The following UAP1 variants were observed in gnomAD, a reference collection of about 807,000 sequenced individuals.
UAP1 encodes UDP-N-acetylhexosamine pyrophosphorylase.
Under a neutral mutation model 58.5 loss-of-function variants are expected in UAP1, and 25 were observed. The ratio of observed to expected loss-of-function variants is 0.43; its 90% CI spans 0.31 to 0.60. The LOEUF is 0.60. UAP1 is among the 20% of genes least tolerant of loss of function. UAP1 has a pLI of 0.11. For synonymous variants in UAP1, 208 were observed against 213.0 expected (o/e 0.98, Z 0.21); for missense variants, 575 against 630.0 (o/e 0.91, Z 0.93).
chr1:162,574,974 T>C (rs925213068), intron 2 of UAP1, among the ~76,000 whole-genome samples: 3 of 152,240 alleles, frequency 2.0e-5, no homozygotes, highest in Non-Finnish European at 4.4e-5. Context: ...ATTGACAGGC[T>C]TCCAGACCAA....
exon 7 of UAP1, chr1:162,588,776 A>T: frequency 6.2e-7 from 1 of 1,612,560 alleles, no homozygotes; most frequent in African/African-American, 1.3e-5. Context: ...ATTAAGCCAG[A>T]CAAACCCAAT....
chr1:162,591,846 G>A (rs1655331895), intron 8 of UAP1, among the ~76,000 whole-genome samples: 1 of 151,342 alleles, frequency 6.6e-6, no homozygotes, highest in South Asian at 2.1e-4. Context: ...GTGCAGTGGC[G>A]CGATCTTGGC....
In UAP1 at chr1:162,585,385, A is replaced by G. The variant is rs1048937329; in HGVS notation, c.835-2090A>G. 4.0e-5 allele frequency among the ~76,000 whole-genome samples: 6 copies of G among 151,598 alleles called. No individual in the cohort carries two copies. The South Asian group carries it at 6.2e-4, about 16-fold the overall frequency. ...TGATTCTGCTGCCTCAGCCTCCTGA[A>G]TCGCTGGGATTACAGTGCCTACCAC... On this transcript the variant is annotated intron_variant, in intron 5 of 10. Coordinates refer to ENST00000271469, the Ensembl canonical transcript of UAP1.
chr1:162,570,307 T>G (rs1653785208), intron 2 of UAP1, among the ~76,000 whole-genome samples: 1 of 152,210 alleles, frequency 6.6e-6, no homozygotes. Context: ...ATATTGGGAT[T>G]GTGTATAGTT....
At chr1:162,600,646 CT>C (rs765693902), downstream of UAP1, among the ~76,000 whole-genome samples, 947 of 140,118 alleles carry the variant, frequency 6.8e-3, 3 homozygotes, top group African/African-American at 0.016. Context: ...TTAAGGATCA[CT>C]TTTTTTTTTT....
chr1:162,597,992 T>C, intron 10 of UAP1, 134 bp downstream of exon 10: 1 of 727,512 alleles, frequency 1.4e-6, no homozygotes, highest in Non-Finnish European at 2.2e-6. Context: ...GTTAATTGGC[T>C]TTATTTGATT....
At chr1:162,576,739 T>C in intron 2 of UAP1, 38 bp from the exon 3 acceptor site, 4 of 1,573,438 alleles carry the variant, frequency 2.5e-6, no homozygotes, top group Non-Finnish European at 3.5e-6. Context: ...AAGTGTTGAA[T>C]TGTAGAGGTT....
chr1:162,601,043 T>C (rs1051125752), downstream of UAP1, among the ~76,000 whole-genome samples: 2 of 152,220 alleles, frequency 1.3e-5, no homozygotes, highest in African/African-American at 4.8e-5. Flanking sequence ...GTAGTGGTTT[T>C]GTTGGAGAGG....
At chr1:162,581,450 T>C in exon 5 of UAP1, 1 of 1,613,746 alleles carries the variant, frequency 6.2e-7, no homozygotes, top group Non-Finnish European at 8.5e-7. Flanking sequence ...GAGCAGACTG[T>C]GGAGCAAAGG....
intron 5 of UAP1, among the ~76,000 whole-genome samples, chr1:162,586,408 C>A (rs530445693): frequency 1.3e-5 from 2 of 152,246 alleles, no homozygotes; most frequent in South Asian, 4.1e-4. Context: ...TTCACTGTAG[C>A]CTCAACCTCC....
chr1:162,567,648 A>T (rs1475315981), intron 2 of UAP1, among the ~76,000 whole-genome samples: 2 of 152,212 alleles, frequency 1.3e-5, no homozygotes, highest in Non-Finnish European at 2.9e-5. Context: ...TGTGAATGAG[A>T]ACTTGGGCAA....
At position 162,583,741 on chromosome 1, in the gene UAP1, C is replaced by T. The variant is rs1338001217; in HGVS notation, c.834+2282C>T. Among the ~76,000 whole-genome samples, 4 of 152,140 alleles carry T rather than the reference C, an allele frequency of 2.6e-5. No homozygotes were observed. In the East Asian group the frequency reaches 7.7e-4, roughly 29 times the overall value. ...GCCTCCAGGCTCAGCAATTCTCCTG[C>T]CTCAGCCTCTGGAGTAGCTGGTACC... On this transcript the variant is annotated intron_variant, in intron 5 of 10. Transcript: ENST00000271469.
intron 2 of UAP1, among the ~76,000 whole-genome samples, chr1:162,571,297 T>A (rs1653850927): frequency 6.6e-6 from 1 of 151,886 alleles, no homozygotes; most frequent in Non-Finnish European, 1.5e-5. Context: ...CCCAGCCAAT[T>A]TTTGTATTTT....
At chr1:162,569,991 T>C (rs948926150) in intron 2 of UAP1, among the ~76,000 whole-genome samples, 1 of 151,864 alleles carries the variant, frequency 6.6e-6, no homozygotes, top group Non-Finnish European at 1.5e-5. Context: ...GTACTAAAAA[T>C]ACAAAAAATT....
chr1:162,592,785 A>C lies in UAP1; in HGVS notation c.1409+3A>C. On this transcript the variant is annotated splice_donor_region_variant and intron_variant, in intron 9 of 10. Transcript: ENST00000271469. ...ATCACAGCTGATGTCAATCACAAGT[A>C]AATATACCAGCCTGCCTACAGTGCA... 6.5e-7 allele frequency: 1 copy of C among 1,549,674 alleles called. No homozygotes were observed. The highest frequency in any genetic ancestry group is 8.7e-7 in the Non-Finnish European group (1 of 1,145,982).
chr1:162,584,290 A>G (rs1654779554), intron 5 of UAP1, among the ~76,000 whole-genome samples: 1 of 152,236 alleles, frequency 6.6e-6, no homozygotes, highest in East Asian at 1.9e-4. Context: ...GTAAATATTC[A>G]GATGGAACCA....
chr1:162,597,848 A>G (rs780626587), exon 10 of UAP1: 22 of 1,611,682 alleles, frequency 1.4e-5, no homozygotes, highest in East Asian at 6.7e-5. Context: ...CTTATCTCCT[A>G]TGCTGGAGAA....
At chr1:162,564,284 T>C (rs1454871880) in intron 1 of UAP1, among the ~76,000 whole-genome samples, 1 of 152,188 alleles carries the variant, frequency 6.6e-6, no homozygotes, top group Admixed American at 6.5e-5. Context: ...TTAATGATCC[T>C]GGTGAGGTAG....
chr1:162,595,434 C>T (rs1655564496), intron 9 of UAP1, among the ~76,000 whole-genome samples: 2 of 152,090 alleles, frequency 1.3e-5, no homozygotes, highest in South Asian at 2.1e-4. Context: ...CATGCCTACT[C>T]AAGATTCATT....
Sources: allele counts gnomAD v4.1 joint callset (sites outside exome capture counted in the v4.1 genomes callset), GRCh38; gene constraint gnomAD v4.1.1; transcripts MANE v1.5; gene names NCBI Gene and HGNC (gene_info 2026-07-23, HGNC 2026-07-21).